The following ZNF517 variants were observed in gnomAD, a reference collection of about 807,000 sequenced individuals.
ZNF517 encodes the protein zinc finger protein 517.
A neutral mutation model predicts 12.1 loss-of-function variants in ZNF517; 12 were observed. The ratio of observed to expected loss-of-function variants is 0.99; its 90% CI spans 0.63 to 1.61. ZNF517 has a LOEUF of 1.61. Among genes scored for constraint, ZNF517 ranks in the 40% most tolerant of loss-of-function variants. The pLI is 0.00. For missense variants in ZNF517, 781 were observed against 693.2 expected (o/e 1.13, Z -1.42); for synonymous variants, 388 against 310.2 (o/e 1.25, Z -2.63).
rs1312598754 is a variant in ZNF517, at chr8:144,808,195, A to C, written c.1279A>C (p.Thr427Pro). ...IHTKEKPFAC[T>P]ECGKAFRRSY... ...CACCAAGGAGAAGCCCTTCGCGTGC[A>C]CCGAGTGCGGCAAGGCGTTCCGCAG... is the stretch of plus-strand genomic sequence containing the variant. Residue 427 changes from threonine to proline, a missense_variant, in exon 5 of 5, where the codon ACC becomes CCC. By Grantham distance (38) the Thr-to-Pro change is conservative. Transcript: ENST00000359971. 1 of 1,605,942 alleles carries C rather than the reference A, an allele frequency of 6.2e-7. No homozygotes were observed. Among genetic ancestry groups the C allele is most frequent in the Non-Finnish European group, 8.5e-7 (1 of 1,176,316 alleles).
Position 144,807,362 on chromosome 8 carries a change from C to T in ZNF517, c.446C>T (p.Thr149Ile), listed in dbSNP as rs371839636. 38 of 1,554,554 alleles carry T rather than the reference C, an allele frequency of 2.4e-5. No individual in the cohort carries two copies. Among genetic ancestry groups the T allele is most frequent in the Non-Finnish European group, 3.2e-5 (37 of 1,148,890 alleles). ...GGPEDGSDKP[T>I]HPRAREHSAS... ...CCTGAGGACGGGTCAGATAAACCCACCCACCCCCGGGCTCGGGAGCACAGC... is the reference window on the plus strand; with the variant it reads ...CCTGAGGACGGGTCAGATAAACCCATCCACCCCCGGGCTCGGGAGCACAGC... Residue 149 changes from threonine (T) to isoleucine (I), a missense_variant, in exon 5 of 5, where the codon ACC becomes ATC. By Grantham distance (89) the Thr-to-Ile change is moderately conservative. Coordinates refer to ENST00000359971, the MANE Select transcript of ZNF517 (RefSeq NM_213605.3).
In ZNF517 at chr8:144,808,609, G is replaced by C; in HGVS notation, c.*214G>C. 1.8e-6 allele frequency: 1 copy of C among 566,786 alleles called. No homozygotes were observed. The highest frequency in any genetic ancestry group is 2.7e-6 in the Non-Finnish European group (1 of 370,656). 35.1% of individuals were successfully genotyped at this position (566,786 alleles called of 1,614,324 possible). A position where few individuals can be genotyped will look rare whatever the true frequency, so the allele number is the denominator to read the frequency against. On this transcript the variant is annotated 3_prime_UTR_variant, in exon 5 of 5. Transcript: ENST00000359971. ...GGTGTGGCCTCAGGAACCACTATCAGCCACCATTTCCTGGGGCCTTCCGGA... is the reference window on the plus strand; with the variant it reads ...GGTGTGGCCTCAGGAACCACTATCACCCACCATTTCCTGGGGCCTTCCGGA...
chr8:144,806,852 T>C (rs552797962), intron 4 of ZNF517, among the ~76,000 whole-genome samples: 3 of 152,336 alleles, frequency 2.0e-5, no homozygotes, highest in East Asian at 3.9e-4. Flanking sequence ...ACAAAGACTC[T>C]GTCTTCACTT....
chr8:144,804,241 G>T lies in ZNF517; in HGVS notation c.274+3G>T. ...GGCCAAAGCCAGCCTGTGCACAGGT[G>T]AGTACAAAGCACCCACAGGGCGTGT... On this transcript the variant is annotated splice_donor_region_variant and intron_variant, in intron 4 of 4. Coordinates refer to ENST00000359971, the MANE Select transcript of ZNF517 (RefSeq NM_213605.3). 6.2e-7 allele frequency: 1 copy of T among 1,611,840 alleles called. No individual in the cohort carries two copies. The highest frequency in any genetic ancestry group is 1.7e-4 in the Middle Eastern group (1 of 5,898).
intron 1 of ZNF517, chr8:144,800,682 T>C (rs1476213158): frequency 3.0e-6 from 3 of 985,280 alleles, no homozygotes; most frequent in Non-Finnish European, 3.6e-6. Flanking sequence ...TGCTCTTCCA[T>C]GCGTTTGCAG....
chr8:144,808,877 C>T lies in ZNF517; in HGVS notation c.*482C>T, dbSNP rs1827437567. The T allele has an allele frequency of 6.5e-6, 1 of 153,532 alleles. No homozygotes were observed. The highest frequency in any genetic ancestry group is 2.4e-5 in the African/African-American group (1 of 41,508). The allele number at this position is 153,532 out of a possible 1,614,324, so 9.5% of individuals were successfully genotyped here. ...GGAGCCTTAGCTGGCTGCCATGTCTCCTGCCTGTAATCCCATCACTTTGGG... is the reference window on the plus strand; with the variant it reads ...GGAGCCTTAGCTGGCTGCCATGTCTTCTGCCTGTAATCCCATCACTTTGGG... On this transcript the variant is annotated 3_prime_UTR_variant, in exon 5 of 5. Coordinates refer to ENST00000359971, the MANE Select transcript of ZNF517 (RefSeq NM_213605.3).
At chr8:144,803,851 G>A (rs1827090879) in intron 3 of ZNF517, 84 bp downstream of exon 3, 2 of 1,533,786 alleles carry the variant, frequency 1.3e-6, no homozygotes, top group Non-Finnish European at 1.8e-6. Context: ...GCAGATTCAA[G>A]GTCTGACACA....
chr8:144,801,544 C>G (rs1826961931), intron 1 of ZNF517, among the ~76,000 whole-genome samples: 1 of 152,066 alleles, frequency 6.6e-6, no homozygotes, highest in Non-Finnish European at 1.5e-5. Context: ...GTGGCGCGAT[C>G]TCAGCTCACT....
chr8:144,807,170 G>A lies in ZNF517; in HGVS notation c.275-21G>A, dbSNP rs778605914. On this transcript the variant is annotated intron_variant, in intron 4 of 4. Transcript: ENST00000359971. The stretch of plus-strand genomic sequence containing the variant: ...AGTGTAGAGGCTGGATCATCCTTCC[G>A]TTTTCTGTTCCTTCTCTCAGATTCC... 34 of 1,513,324 alleles carry A rather than the reference G, an allele frequency of 2.2e-5. 1 individual carries two copies. The African/African-American group carries it at 3.5e-4, about 16-fold the overall frequency. 93.7% of individuals were successfully genotyped at this position (1,513,324 alleles called of 1,614,324 possible). A position where few individuals can be genotyped will look rare whatever the true frequency, so the allele number is the denominator to read the frequency against.
At position 144,808,308 on chromosome 8, in the gene ZNF517, GTC is replaced by G; in HGVS notation, c.1393_1394del (p.Ser465HisfsTer58). 1 of 1,532,208 alleles carries G rather than the reference GTC, an allele frequency of 6.5e-7. No individual in the cohort carries two copies. The highest frequency in any genetic ancestry group is 8.8e-7 in the Non-Finnish European group (1 of 1,136,822). The allele number at this position is 1,532,208 out of a possible 1,614,324, so 94.9% of individuals were successfully genotyped here. On this transcript the variant is annotated frameshift_variant, in exon 5 of 5. Transcript: ENST00000359971. LOFTEE classifies it low-confidence loss of function (END_TRUNC). ...CCTGCGGGAGGGCCTGCAGCCGGCTGTCCACCCTCATCCAGCACCAGAAGGTG... is the reference window on the plus strand; with the variant it reads ...CCTGCGGGAGGGCCTGCAGCCGGCTGCACCCTCATCCAGCACCAGAAGGTG... ...RACGRACSRL[S>X]TLIQHQKVHG... is the part of the protein sequence containing the mutation.
Position 144,808,121 on chromosome 8 carries a change from G to C in ZNF517, c.1205G>C (p.Gly402Ala), listed in dbSNP as rs1390923407. The C allele has an allele frequency of 6.2e-7, 1 of 1,612,284 alleles. No homozygotes were observed. Among genetic ancestry groups the C allele is most frequent in the South Asian group, 1.1e-5 (1 of 90,998 alleles). The change falls in exon 5 of 5, where the codon GGC (glycine) becomes GCC (alanine). Residue 402 changes from glycine (G) to alanine (A), a missense_variant. Transcript: ENST00000359971. ...AAGCCGTTCGAGTGCGCGGAGTGCG[G>C]CAAGGCCTTCGGTCGCAAGTCCAAC... ...GEKPFECAECGKAFGRKSNLT... is the reference protein window; with the variant it reads ...GEKPFECAECAKAFGRKSNLT...
rs2130433477 is a variant in ZNF517, at chr8:144,804,125, G to A, written c.161G>A (p.Gly54Asp). 1 of 1,613,974 alleles carries A rather than the reference G, an allele frequency of 6.2e-7. No individual in the cohort carries two copies. Residue 54 changes from glycine to aspartate, a missense_variant and splice_region_variant, in exon 4 of 5, where the codon GGC becomes GAC. Physicochemically the swap from Gly to Asp is moderately conservative, Grantham distance 94. Coordinates refer to ENST00000359971, the MANE Select transcript of ZNF517 (RefSeq NM_213605.3). Reference sequence around the variant, plus strand: ...TGCTGCTTTCCTTCTCTGAGCTTAGGCTTTCTTGTTGCCAAACCAGCACTG... The same window carrying A: ...TGCTGCTTTCCTTCTCTGAGCTTAGACTTTCTTGTTGCCAAACCAGCACTG... The part of the protein sequence containing the change: ...LENYGNLASL[G>D]FLVAKPALIS...
In ZNF517 at chr8:144,807,225, T is replaced by C; in HGVS notation, c.309T>C (p.Pro103=). ...SRMEAGIMES[P]LQRKLSRQAG... is the part of the protein sequence containing the mutation. ...TGGAGGCTGGGATCATGGAGTCTCC[T>C]CTGCAGAGAAAGCTCTCCAGGCAGG... is the stretch of plus-strand genomic sequence containing the variant. Residue 103 remains proline (P), a synonymous_variant, in exon 5 of 5, where the codon CCT becomes CCC. Transcript: ENST00000359971. 1 of 1,544,132 alleles carries C rather than the reference T, an allele frequency of 6.5e-7. No individual in the cohort carries two copies. The highest frequency in any genetic ancestry group is 8.7e-7 in the Non-Finnish European group (1 of 1,149,454).
chr8:144,803,433 C>T lies in ZNF517; in HGVS notation c.34-208C>T, dbSNP rs1456889471. The T allele has an allele frequency of 6.6e-6, 4 of 605,668 alleles. No homozygotes were observed. In the East Asian group the frequency reaches 1.2e-4, roughly 18 times the overall value. The allele number at this position is 605,668 out of a possible 1,614,324, so 37.5% of individuals were successfully genotyped here. On this transcript the variant is annotated intron_variant, in intron 2 of 4. Transcript: ENST00000359971. ...TAAATCTCTCTCCCTCCCCCAAGTT[C>T]AGTTTTTCCCTCTTCCTCTCTGGGG...
rs1362764339 is a variant in ZNF517, at chr8:144,808,511, C to G, written c.*116C>G. On this transcript the variant is annotated 3_prime_UTR_variant, in exon 5 of 5. Transcript: ENST00000359971. The stretch of plus-strand genomic sequence containing the variant: ...GGTGAAGCAAAGTCTAAAGAAAGGG[C>G]CAGCTCCCATCAGGAGCTCGGCTTC... The G allele has an allele frequency of 1.5e-6, 2 of 1,315,548 alleles. No homozygotes were observed. The highest frequency in any genetic ancestry group is 3.1e-5 in the African/African-American group (2 of 64,826). 81.5% of individuals were successfully genotyped at this position (1,315,548 alleles called of 1,614,324 possible). A position where few individuals can be genotyped will look rare whatever the true frequency, so the allele number is the denominator to read the frequency against.
At chr8:144,803,297 A>G in intron 2 of ZNF517, 1 of 453,212 alleles carries the variant, frequency 2.2e-6, no homozygotes, top group East Asian at 3.8e-5. Flanking sequence ...TGCTGGTGTT[A>G]GAAATTGAGA....
chr8:144,803,863 T>C (rs1827091712), intron 3 of ZNF517, 96 bp downstream of exon 3: 2 of 1,510,262 alleles, frequency 1.3e-6, no homozygotes, highest in East Asian at 4.6e-5. Context: ...TCTGACACAT[T>C]TTTGAGGGGA....
chr8:144,801,659 A>G (rs1367510319), intron 1 of ZNF517, among the ~76,000 whole-genome samples: 2 of 152,064 alleles, frequency 1.3e-5, no homozygotes, highest in Admixed American at 1.3e-4. Flanking sequence ...TTGTATTTTT[A>G]GTGGAGATGG....
At chr8:144,800,862 C>T (rs1410575123) in intron 1 of ZNF517, among the ~76,000 whole-genome samples, 4 of 152,208 alleles carry the variant, frequency 2.6e-5, no homozygotes, top group Non-Finnish European at 5.9e-5. Context: ...TGAGAGAGAA[C>T]CTCACTCTGT....
Sources: allele counts gnomAD v4.1 joint callset (sites outside exome capture counted in the v4.1 genomes callset), GRCh38; gene constraint gnomAD v4.1.1; transcripts MANE v1.5; gene names NCBI Gene and HGNC (gene_info 2026-07-23, HGNC 2026-07-21).